The following TAFA4 variants were observed in gnomAD, a reference collection of about 807,000 sequenced individuals.
The protein encoded by TAFA4 is chemokine-like protein TAFA-4.
In TAFA4, 20 loss-of-function variants were observed where a neutral mutation model predicts 21.1. The observed-to-expected ratio is 0.95, with a 90% CI of 0.67 to 1.38. TAFA4 has a LOEUF of 1.38. Ranked by LOEUF, TAFA4 falls within the 40% of genes most tolerant of loss-of-function variation. TAFA4 has a pLI of 0.00. For missense variants in TAFA4, 211 were observed against 180.9 expected (o/e 1.17, Z -0.95); for synonymous variants, 71 against 67.4 (o/e 1.05, Z -0.26).
chr3:68,833,205 G>A (rs1704441732), intron 3 of TAFA4, among the ~76,000 whole-genome samples: 1 of 152,198 alleles, frequency 6.6e-6, no homozygotes, highest in Admixed American at 6.5e-5. Context: ...TCTGTGGGCT[G>A]CATCCACTAT....
At chr3:68,884,913 G>A (rs1254765635) in intron 2 of TAFA4, among the ~76,000 whole-genome samples, 1 of 152,122 alleles carries the variant, frequency 6.6e-6, no homozygotes, top group East Asian at 1.9e-4. Context: ...GTAGGGTTGG[G>A]GCCAGAAAGC....
chr3:68,893,909 A>C (rs1389911982), intron 1 of TAFA4, among the ~76,000 whole-genome samples: 1 of 152,216 alleles, frequency 6.6e-6, no homozygotes, highest in African/African-American at 2.4e-5. Flanking sequence ...TGTTTTTATT[A>C]TAATAATTAC....
chr3:68,797,729 G>C (rs933053074), intron 3 of TAFA4, among the ~76,000 whole-genome samples: 3 of 151,860 alleles, frequency 2.0e-5, no homozygotes, highest in Non-Finnish European at 4.4e-5. Context: ...ACCATACGAG[G>C]TACCTAGAGT....
At chr3:68,895,777 C>T (rs2106973230) in intron 1 of TAFA4, among the ~76,000 whole-genome samples, 1 of 152,212 alleles carries the variant, frequency 6.6e-6, no homozygotes, top group South Asian at 2.1e-4. Flanking sequence ...TCCCCAGTGT[C>T]CTGGAGCTTG....
At chr3:68,885,532 C>T (rs548914437) in intron 1 of TAFA4, among the ~76,000 whole-genome samples, 42 of 152,236 alleles carry the variant, frequency 2.8e-4, no homozygotes, top group African/African-American at 9.4e-4. Context: ...TTAGTTAACA[C>T]CACATAGTTG....
intron 3 of TAFA4, among the ~76,000 whole-genome samples, chr3:68,855,648 G>A (rs1389934103): frequency 1.3e-5 from 2 of 152,092 alleles, no homozygotes; most frequent in African/African-American, 4.8e-5. Flanking sequence ...TAGACGTCAT[G>A]TATCTTAAAA....
At chr3:68,754,116 A>G (rs978590991) in intron 3 of TAFA4, among the ~76,000 whole-genome samples, 1 of 152,230 alleles carries the variant, frequency 6.6e-6, no homozygotes, top group Non-Finnish European at 1.5e-5. Context: ...TTCAGACATG[A>G]TGCCCCTTTA....
chr3:68,870,140 C>T (rs538967651), intron 3 of TAFA4, among the ~76,000 whole-genome samples: 7 of 152,056 alleles, frequency 4.6e-5, no homozygotes, highest in Admixed American at 4.6e-4. Context: ...ATAAATTAAA[C>T]CAGAGATGCA....
intron 3 of TAFA4, among the ~76,000 whole-genome samples, chr3:68,783,749 G>GAAAGAAAGAAAGAA (rs1421530241): frequency 7.4e-6 from 1 of 135,990 alleles, no homozygotes; most frequent in Non-Finnish European, 1.6e-5. Context: ...AAGAAAGTAA[G>GAAAGAAAGAAAGAA]AAAGAAAGAA....
chr3:68,820,781 T>TG (rs1462135902), intron 3 of TAFA4, among the ~76,000 whole-genome samples: 1 of 152,204 alleles, frequency 6.6e-6, no homozygotes, highest in Non-Finnish European at 1.5e-5. Flanking sequence ...CTCTCCACAA[T>TG]GTATAGCTAT....
At chr3:68,863,305 G>A (rs1419438537) in intron 3 of TAFA4, among the ~76,000 whole-genome samples, 1 of 152,046 alleles carries the variant, frequency 6.6e-6, no homozygotes, top group Non-Finnish European at 1.5e-5. Context: ...GAAAGTAGTT[G>A]CATTCTTAAA....
At position 68,880,716 on chromosome 3, in the gene TAFA4, C is replaced by T. The variant is rs146433690; in HGVS notation, c.130+14G>A. On this transcript the variant is annotated intron_variant, in intron 3 of 5. Coordinates refer to ENST00000295569, the MANE Select transcript of TAFA4 (RefSeq NM_182522.5). ...TATTATCTCAGCAGTGCATAATGAG[C>T]TTAAAGGGCTTACCTGCATGTCCCC... 1,033 of 1,611,966 alleles carry T rather than the reference C, an allele frequency of 6.4e-4. 5 individuals carry two copies. The African/African-American group carries it at 0.012, about 19-fold the overall frequency.
intron 1 of TAFA4, among the ~76,000 whole-genome samples, chr3:68,905,468 G>A (rs1413409714): frequency 2.6e-5 from 4 of 151,908 alleles, no homozygotes; most frequent in Non-Finnish European, 4.4e-5. Flanking sequence ...GCGCCCGGCC[G>A]GTCTCTGCTT....
At chr3:68,802,432 G>T (rs1390459876) in intron 3 of TAFA4, among the ~76,000 whole-genome samples, 1 of 150,846 alleles carries the variant, frequency 6.6e-6, no homozygotes, top group Non-Finnish European at 1.5e-5. Context: ...GGGGAAGGGG[G>T]GTTGGCAGGA....
At chr3:68,921,777 T>C (rs111931268) in intron 1 of TAFA4, among the ~76,000 whole-genome samples, 1,612 of 152,372 alleles carry the variant, frequency 0.011, 33 homozygotes, top group African/African-American at 0.037. Flanking sequence ...ATATGGAAAT[T>C]GAAGCCTTGT....
At chr3:68,826,866 T>C (rs1018111739) in intron 3 of TAFA4, among the ~76,000 whole-genome samples, 10 of 152,096 alleles carry the variant, frequency 6.6e-5, no homozygotes, top group Non-Finnish European at 7.4e-5. Flanking sequence ...TAACAGGTCT[T>C]GTATAATTTC....
At chr3:68,808,266 T>C (rs575019992) in intron 3 of TAFA4, among the ~76,000 whole-genome samples, 6 of 152,256 alleles carry the variant, frequency 3.9e-5, no homozygotes, top group African/African-American at 1.2e-4. Flanking sequence ...ACTGGCAGTT[T>C]CCAGCTGGTC....
intron 1 of TAFA4, among the ~76,000 whole-genome samples, chr3:68,912,338 G>A (rs1019776402): frequency 6.6e-6 from 1 of 152,184 alleles, no homozygotes; most frequent in African/African-American, 2.4e-5. Flanking sequence ...TGGGGAGAAG[G>A]GGGAAATAGC....
At chr3:68,775,317 T>A (rs912680068) in intron 3 of TAFA4, among the ~76,000 whole-genome samples, 29 of 152,206 alleles carry the variant, frequency 1.9e-4, no homozygotes, top group African/African-American at 7.0e-4. Flanking sequence ...AGACTGGGGA[T>A]AAGCTGTCAC....
Sources: allele counts gnomAD v4.1 joint callset (sites outside exome capture counted in the v4.1 genomes callset), GRCh38; gene constraint gnomAD v4.1.1; transcripts MANE v1.5; gene names NCBI Gene and HGNC (gene_info 2026-07-23, HGNC 2026-07-21).